FBXO32: variants seen among roughly 807,000 people sequenced by gnomAD.
FBXO32 encodes the protein F-box protein 32.
Under a neutral mutation model 48.3 loss-of-function variants are expected in FBXO32, and 15 were observed. That is an observed-to-expected ratio of 0.31 (90% CI 0.21 to 0.48). FBXO32 has a LOEUF of 0.48. Among genes scored for constraint, FBXO32 ranks in the 20% least tolerant of loss-of-function variants. FBXO32 has a pLI of 0.99. For missense variants in FBXO32, 309 were observed against 432.7 expected (o/e 0.71, Z 2.54); for synonymous variants, 154 against 165.9 (o/e 0.93, Z 0.55).
At position 123,513,433 on chromosome 8, in the gene FBXO32, G is replaced by C; in HGVS notation, c.467-51C>G. ...TAAAGTTATGATACTGGAACACCCT[G>C]TATTTTACACATGAGCTTGTCTCTG... On this transcript the variant is annotated intron_variant, in intron 5 of 8. Transcript: ENST00000517956. The surrounding 1 kb of genome is among the most constrained non-coding windows in gnomAD (Gnocchi z 4.3). 1 of 1,456,956 alleles carries C rather than the reference G, an allele frequency of 6.9e-7. No homozygotes were observed. Among genetic ancestry groups the C allele is most frequent in the Non-Finnish European group, 9.5e-7 (1 of 1,054,262 alleles). The allele number at this position is 1,456,956 out of a possible 1,614,324, so 90.3% of individuals were successfully genotyped here.
At chr8:123,504,083 CAAA>C (rs34656669) in intron 8 of FBXO32, among the ~76,000 whole-genome samples, 5,320 of 88,266 alleles carry the variant, frequency 0.06, 85 homozygotes, top group South Asian at 0.11. Flanking sequence ...GACTCCGTCT[CAAA>C]AAAAAAAAAA....
At position 123,530,317 on chromosome 8, in the gene FBXO32, A is replaced by G. The variant is rs569473941; in HGVS notation, c.372+1581T>C. ...GCCTCAAGGGGCCTTGAATGTCATC[A>G]CCCTGGCTGAGCCTCTGCAATCATC... On this transcript the variant is annotated intron_variant, in intron 4 of 8. Coordinates refer to ENST00000517956, the MANE Select transcript of FBXO32 (RefSeq NM_058229.4). Among the ~76,000 whole-genome samples, 17 of 152,124 alleles carry G rather than the reference A, an allele frequency of 1.1e-4. No individual in the cohort carries two copies. The South Asian group carries it at 2.7e-3, about 24-fold the overall frequency.
At chr8:123,538,487 C>T (rs987616109) in intron 1 of FBXO32, among the ~76,000 whole-genome samples, 4 of 152,234 alleles carry the variant, frequency 2.6e-5, no homozygotes, top group South Asian at 2.1e-4. Context: ...CAGGCAGGCA[C>T]GCAGTCCAAA....
At chr8:123,534,366 C>T (rs1817271308) in intron 2 of FBXO32, among the ~76,000 whole-genome samples, 1 of 152,092 alleles carries the variant, frequency 6.6e-6, no homozygotes. Context: ...TTTTCAAAGC[C>T]TCAAAACAGT....
At chr8:123,524,583 T>G (rs777140084) in intron 4 of FBXO32, among the ~76,000 whole-genome samples, 24 of 152,192 alleles carry the variant, frequency 1.6e-4, no homozygotes, top group Non-Finnish European at 2.9e-4. Context: ...TTACCCAGGT[T>G]GCAGGATGGT....
intron 6 of FBXO32, among the ~76,000 whole-genome samples, chr8:123,512,928 C>A (rs750861517): frequency 6.6e-6 from 1 of 152,184 alleles, no homozygotes; most frequent in African/African-American, 2.4e-5. Flanking sequence ...GGATGGCCAG[C>A]ATCTCCCCAA....
At chr8:123,528,214 C>A (rs1817127118) in intron 4 of FBXO32, among the ~76,000 whole-genome samples, 1 of 152,110 alleles carries the variant, frequency 6.6e-6, no homozygotes, top group Non-Finnish European at 1.5e-5. Context: ...GACTGAGAAC[C>A]ACTGGGGTCA....
At chr8:123,521,798 A>G (rs1816961722) in intron 4 of FBXO32, among the ~76,000 whole-genome samples, 1 of 152,166 alleles carries the variant, frequency 6.6e-6, no homozygotes, top group Non-Finnish European at 1.5e-5. Context: ...CCCAGCCTCA[A>G]GCAGCCTTGC....
At chr8:123,515,094 G>C (rs1816812790) in intron 4 of FBXO32, among the ~76,000 whole-genome samples, 1 of 152,202 alleles carries the variant, frequency 6.6e-6, no homozygotes. Flanking sequence ...AATATTTAGA[G>C]TCTTTAATAC....
intron 6 of FBXO32, among the ~76,000 whole-genome samples, chr8:123,507,368 T>A (rs1356738844): frequency 6.6e-6 from 1 of 151,874 alleles, no homozygotes; most frequent in Non-Finnish European, 1.5e-5. Context: ...GCTCAACAAA[T>A]ACCTGTGGAA....
Position 123,504,667 on chromosome 8 carries a change from T to G in FBXO32, c.915A>C (p.Pro305=), listed in dbSNP as rs781625725. The G allele has an allele frequency of 1.9e-6, 3 of 1,614,126 alleles. No homozygotes were observed. The African/African-American group carries it at 4.0e-5, about 22-fold the overall frequency. The change falls in exon 8 of 9, where the codon CCA becomes CCC. Residue 305 remains proline, a synonymous_variant. Coordinates refer to ENST00000517956, the MANE Select transcript of FBXO32 (RefSeq NM_058229.4). ...KMYFKLVRCY[P]RKEQYGDTLQ... ...GGGTATCTCCATACTGCTCTTTCCTTGGGTAACATCGGACAAGTTTGAAAT... is the reference window on the plus strand; with the variant it reads ...GGGTATCTCCATACTGCTCTTTCCTGGGGTAACATCGGACAAGTTTGAAAT...
At chr8:123,521,857 G>A (rs1247988837) in intron 4 of FBXO32, among the ~76,000 whole-genome samples, 1 of 152,070 alleles carries the variant, frequency 6.6e-6, no homozygotes, top group Non-Finnish European at 1.5e-5. Flanking sequence ...CTATAGGAAG[G>A]TTGCGTCTTC....
At position 123,540,816 on chromosome 8, in the gene FBXO32, C is replaced by T; in HGVS notation, c.116+83G>A. 3 of 1,169,710 alleles carry T rather than the reference C, an allele frequency of 2.6e-6. No individual in the cohort carries two copies. The highest frequency in any genetic ancestry group is 1.5e-5 in the African/African-American group (1 of 64,778). The allele number at this position is 1,169,710 out of a possible 1,614,324, so 72.5% of individuals were successfully genotyped here. A position where few individuals can be genotyped will look rare whatever the true frequency, so the allele number is the denominator to read the frequency against. On this transcript the variant is annotated intron_variant, in intron 1 of 8. Coordinates refer to ENST00000517956, the MANE Select transcript of FBXO32 (RefSeq NM_058229.4). This position sits in a 1 kb window ranked among gnomAD's most constrained non-coding sequence, Gnocchi z 6.4. ...CCTCAGCCCGCTCCAGCCCTGCCTGCCCCTCATTCGCCGTCCCTGCGCCCC... is the reference window on the plus strand; with the variant it reads ...CCTCAGCCCGCTCCAGCCCTGCCTGTCCCTCATTCGCCGTCCCTGCGCCCC...
intron 3 of FBXO32, 129 bp from the exon 4 acceptor site, chr8:123,532,119 G>A (rs1456949557): frequency 3.4e-6 from 5 of 1,465,198 alleles, no homozygotes; most frequent in Non-Finnish European, 3.6e-6. Context: ...AGGTGACCTG[G>A]GGCACTGGCT....
rs376072679 is a variant in FBXO32 at position 123,506,587 on chromosome 8, G to A, written c.652-13C>T. 1.3e-6 allele frequency: 2 copies of A among 1,572,490 alleles called. No homozygotes were observed. Among genetic ancestry groups the A allele is most frequent in the Non-Finnish European group, 1.7e-6 (2 of 1,154,620 alleles). ...CTTTGAAGGCAGGCTGCAGAGAGAA[G>A]GGTGACAATAGGTGGGGGGGCCAGA... On this transcript the variant is annotated splice_polypyrimidine_tract_variant and intron_variant, in intron 6 of 8. Coordinates refer to ENST00000517956, the MANE Select transcript of FBXO32 (RefSeq NM_058229.4). The surrounding 1 kb of genome is among the most constrained non-coding windows in gnomAD (Gnocchi z 4.0).
chr8:123,504,532 C>T, intron 8 of FBXO32, 72 bp downstream of exon 8: 1 of 1,468,494 alleles, frequency 6.8e-7, no homozygotes, highest in East Asian at 2.7e-5. Context: ...CTGGCCTCAC[C>T]ATGCTGGCTG....
At position 123,533,897 on chromosome 8, in the gene FBXO32, A is replaced by C. The variant is rs1817258985; in HGVS notation, c.230-657T>G. 2.6e-5 allele frequency among the ~76,000 whole-genome samples: 4 copies of C among 152,142 alleles called. No individual in the cohort carries two copies. In the South Asian group the frequency reaches 6.2e-4, roughly 24 times the overall value. On this transcript the variant is annotated intron_variant, in intron 2 of 8. Transcript: ENST00000517956. ...CGCTTGAGCCCTGGAGTTTGAGACC[A>C]GCCTGGGCAACATGGCGAAACCCTG... is the stretch of plus-strand genomic sequence containing the variant.
At position 123,540,119 on chromosome 8, in the gene FBXO32, A is replaced by C. The variant is rs1365975857; in HGVS notation, c.116+780T>G. On this transcript the variant is annotated intron_variant, in intron 1 of 8. Transcript: ENST00000517956. The surrounding 1 kb of genome is among the most constrained non-coding windows in gnomAD (Gnocchi z 6.4). ...ATCCAGAGGCTCACCGGGGCCAGGC[A>C]GGCTTTTCGCAGCTGACAGGCACCC... Among the ~76,000 whole-genome samples, 2 of 152,200 alleles carry C rather than the reference A, an allele frequency of 1.3e-5. No homozygotes were observed. The highest frequency in any genetic ancestry group is 4.8e-5 in the African/African-American group (2 of 41,438).
Position 123,501,332 on chromosome 8 carries a change from A to G in FBXO32, c.*2041T>C, listed in dbSNP as rs1338543505. 1.3e-5 allele frequency: 2 copies of G among 148,902 alleles called. No individual in the cohort carries two copies. Among genetic ancestry groups the G allele is most frequent in the East Asian group, 2.0e-4 (1 of 5,014 alleles). The allele number at this position is 148,902 out of a possible 1,614,324, so 9.2% of individuals were successfully genotyped here. A position where few individuals can be genotyped will look rare whatever the true frequency, so the allele number is the denominator to read the frequency against. On this transcript the variant is annotated 3_prime_UTR_variant, in exon 9 of 9. Transcript: ENST00000517956. Reference sequence around the variant, plus strand: ...CAGCAGTCTAGGTCCTGCATTCCCAATGTGAAATTGGTTCAGGGGGAGAGG... The same window carrying G: ...CAGCAGTCTAGGTCCTGCATTCCCAGTGTGAAATTGGTTCAGGGGGAGAGG...
Sources: gnomAD v4.1 joint callset for allele counts (sites outside exome capture counted in the v4.1 genomes callset) on GRCh38, gnomAD v4.1.1 for gene constraint, Gnocchi (gnomAD v3.1) non-coding constraint, MANE v1.5 for transcripts, NCBI Gene and HGNC (gene_info 2026-07-23, HGNC 2026-07-21) for gene names.